OSBPL9: variants seen among roughly 807,000 people sequenced by gnomAD.
OSBPL9 encodes the protein oxysterol binding protein like 9.
In OSBPL9, 40 loss-of-function variants were observed where a neutral mutation model predicts 106.6. That is an observed-to-expected ratio of 0.38 (90% CI 0.29 to 0.49). OSBPL9 has a LOEUF of 0.49. OSBPL9 is among the 20% of genes least tolerant of loss of function. The pLI, the probability that OSBPL9 is intolerant of heterozygous loss-of-function variation, is 0.97. For synonymous variants in OSBPL9, 269 were observed against 295.4 expected (o/e 0.91, Z 0.92); for missense variants, 609 against 887.2 (o/e 0.69, Z 3.98).
chr1:51,548,187 G>A, the OSBPL9 span, among the ~76,000 whole-genome samples: 2 of 152,138 alleles, frequency 1.3e-5, no homozygotes, highest in Admixed American at 6.5e-5. Context: ...TTCAGTCTAT[G>A]TGCAGAATGG....
At chr1:51,638,597 C>T (rs1001002067) in intron 1 of OSBPL9, among the ~76,000 whole-genome samples, 7 of 151,818 alleles carry the variant, frequency 4.6e-5, no homozygotes, top group Admixed American at 2.0e-4. Context: ...AGGCGGGGCA[C>T]GGTGGCTCAT....
intron 1 of OSBPL9, among the ~76,000 whole-genome samples, chr1:51,620,419 T>C (rs1254842506): frequency 6.6e-6 from 1 of 152,100 alleles, no homozygotes; most frequent in East Asian, 1.9e-4. Flanking sequence ...ATGGTACCTA[T>C]AATATGTTGG....
chr1:51,617,314 T>C, intron 1 of OSBPL9, 93 bp downstream of exon 1: 1 of 1,323,836 alleles, frequency 7.6e-7, no homozygotes, highest in Non-Finnish European at 1.0e-6. Flanking sequence ...TGAGTTGAGG[T>C]TGCTAGTCTG....
chr1:51,525,394 TC>T, the OSBPL9 span, among the ~76,000 whole-genome samples: 3 of 151,940 alleles, frequency 2.0e-5, no homozygotes, highest in Non-Finnish European at 4.4e-5. Context: ...TTAATATATC[TC>T]CCCCACAAAC....
At chr1:51,771,044 G>C (rs1673760197) in intron 12 of OSBPL9, among the ~76,000 whole-genome samples, 1 of 152,112 alleles carries the variant, frequency 6.6e-6, no homozygotes, top group Non-Finnish European at 1.5e-5. Flanking sequence ...TCATGAGGGA[G>C]GTTTGCAGGT....
intron 7 of OSBPL9, among the ~76,000 whole-genome samples, chr1:51,749,077 CTG>C (rs779473118): frequency 2.0e-5 from 3 of 150,900 alleles, no homozygotes; most frequent in Non-Finnish European, 4.4e-5. Flanking sequence ...AAGAGCGAAA[CTG>C]TGTCTCAAAA....
At chr1:51,610,650 C>T (rs937764173) in intron 2 of OSBPL9, among the ~76,000 whole-genome samples, 7 of 152,198 alleles carry the variant, frequency 4.6e-5, no homozygotes, top group South Asian at 4.1e-4. Flanking sequence ...AAGAAAGTGG[C>T]TTGGGAGAAT....
intron 1 of OSBPL9, among the ~76,000 whole-genome samples, chr1:51,591,139 C>T (rs988474191): frequency 6.6e-6 from 1 of 152,022 alleles, no homozygotes; most frequent in South Asian, 2.1e-4. Flanking sequence ...AGGATGATCT[C>T]AATCTCCTGA....
At chr1:51,607,414 A>G (rs1643956416) in intron 2 of OSBPL9, among the ~76,000 whole-genome samples, 1 of 152,220 alleles carries the variant, frequency 6.6e-6, no homozygotes. Flanking sequence ...TGCCCGGCTC[A>G]GCCTCCCAAA....
chr1:51,658,777 T>C (rs897723097), intron 2 of OSBPL9, among the ~76,000 whole-genome samples: 8 of 152,178 alleles, frequency 5.3e-5, no homozygotes, highest in South Asian at 2.1e-4. Flanking sequence ...TAAGGTGTTA[T>C]TTTTAGGTTA....
chr1:51,575,553 C>A (rs1384779884), upstream of OSBPL9, among the ~76,000 whole-genome samples: 1 of 152,030 alleles, frequency 6.6e-6, no homozygotes, highest in Non-Finnish European at 1.5e-5. Flanking sequence ...CTATGAATAT[C>A]CCACATCAAC....
chr1:51,713,083 C>G (rs1660385678), intron 3 of OSBPL9, among the ~76,000 whole-genome samples: 1 of 152,122 alleles, frequency 6.6e-6, no homozygotes, highest in Non-Finnish European at 1.5e-5. Context: ...TTGGTGGGCC[C>G]TGGCTTCCAA....
At chr1:51,700,259 G>A (rs1008768182) in intron 3 of OSBPL9, among the ~76,000 whole-genome samples, 1 of 152,026 alleles carries the variant, frequency 6.6e-6, no homozygotes, top group African/African-American at 2.4e-5. Flanking sequence ...TCTTGCTTTG[G>A]GCTCTCATGC....
intron 8 of OSBPL9, 70 bp downstream of exon 8, chr1:51,750,265 T>C: frequency 9.0e-7 from 1 of 1,109,690 alleles, no homozygotes; most frequent in Admixed American, 2.2e-5. Flanking sequence ...TTTTCTTTAA[T>C]AGCAAAAAAA....
chr1:51,670,307 T>C (rs11205877), intron 3 of OSBPL9, among the ~76,000 whole-genome samples: 37,160 of 152,170 alleles, frequency 0.24, 6,442 homozygotes, highest in African/African-American at 0.48. Flanking sequence ...TTCGAGCAGT[T>C]CAAGAAACTT....
Position 51,729,802 on chromosome 1 carries a change from AGGGGTGG to A in OSBPL9, c.319-15727_319-15721del. ...CCCTCCGCCGGGGAGGGGACGGGAA[AGGGGTGG>A]GGGGTGAAGGGGGTGAAGGGGGTGT... On this transcript the variant is annotated intron_variant, in intron 4 of 23. Transcript: ENST00000428468. The surrounding 1 kb of genome is among the most constrained non-coding windows in gnomAD (Gnocchi z 5.1). 1 of 1,171,604 alleles carries A rather than the reference AGGGGTGG, an allele frequency of 8.5e-7. No individual in the cohort carries two copies. Among genetic ancestry groups the A allele is most frequent in the East Asian group, 3.4e-5 (1 of 29,784 alleles). 72.6% of individuals were successfully genotyped at this position (1,171,604 alleles called of 1,614,324 possible).
At chr1:51,582,009 T>C (rs1176403764) in intron 1 of OSBPL9, among the ~76,000 whole-genome samples, 2 of 152,226 alleles carry the variant, frequency 1.3e-5, no homozygotes, top group Non-Finnish European at 2.9e-5. Flanking sequence ...TTCCTTTTAT[T>C]GGACAATGGT....
chr1:51,539,706 C>A, the OSBPL9 span, among the ~76,000 whole-genome samples: 2 of 152,206 alleles, frequency 1.3e-5, no homozygotes, highest in African/African-American at 4.8e-5. Context: ...AGAAATTTGC[C>A]CAAGGTCACA....
intron 1 of OSBPL9, among the ~76,000 whole-genome samples, chr1:51,641,672 T>G (rs924574136): frequency 1.3e-5 from 2 of 152,178 alleles, no homozygotes; most frequent in South Asian, 4.1e-4. Flanking sequence ...CTTAACCCCA[T>G]CCTAGATTAC....
Sources: gnomAD v4.1 joint callset for allele counts (sites outside exome capture counted in the v4.1 genomes callset) on GRCh38, gnomAD v4.1.1 for gene constraint, Gnocchi (gnomAD v3.1) non-coding constraint, MANE v1.5 for transcripts, NCBI Gene and HGNC (gene_info 2026-07-23, HGNC 2026-07-21) for gene names.